Variants in GRIN2B observed in about 807,000 individuals in gnomAD.
GRIN2B encodes the protein glutamate receptor ionotropic, NMDA 2B.
Under a neutral mutation model 114.5 loss-of-function variants are expected in GRIN2B, and 5 were observed. The ratio of observed to expected loss-of-function variants is 0.04; its 90% CI spans 0.02 to 0.09. The LOEUF (loss-of-function observed/expected upper bound fraction) is 0.09, where lower values mean the gene tolerates loss of function less well. Among genes scored for constraint, GRIN2B ranks in the 10% least tolerant of loss-of-function variants. The pLI is 1.00. For missense variants in GRIN2B, 1,108 were observed against 1,943.5 expected (o/e 0.57, Z 8.08); for synonymous variants, 787 against 745.1 (o/e 1.06, Z -0.92).
chr12:13,740,104 T>C (rs759936649), intron 4 of GRIN2B, among the ~76,000 whole-genome samples: 2 of 152,190 alleles, frequency 1.3e-5, no homozygotes, highest in Non-Finnish European at 2.9e-5. Context: ...CTCCACTCTC[T>C]TAGTCTCTAT....
chr12:13,564,300 C>A lies in GRIN2B; in HGVS notation c.2938G>T (p.Val980Leu). ...FGNLQLKDSN[V>L]YQDHYHHHHR... ...TGATGGTGGTAGTGATCTTGGTACA[C>A]GTTGCTGTCCTTCAGCTGCAGGTTC... Residue 980 changes from valine to leucine, a missense_variant, in exon 14 of 14, where the codon GTG (valine) becomes TTG (leucine). Physicochemically the swap from Val to Leu is conservative, Grantham distance 32. This residue lies in a region of GRIN2B where 140 missense variants were observed against 187.5 expected (regional missense o/e 0.75). Coordinates refer to ENST00000609686, the MANE Select transcript of GRIN2B (RefSeq NM_000834.5). This position sits in a 1 kb window ranked among gnomAD's most constrained non-coding sequence, Gnocchi z 4.8. 1 of 1,614,182 alleles carries A rather than the reference C, an allele frequency of 6.2e-7. No homozygotes were observed. The highest frequency in any genetic ancestry group is 8.5e-7 in the Non-Finnish European group (1 of 1,180,038).
chr12:13,612,423 T>G (rs1395408879), intron 8 of GRIN2B, among the ~76,000 whole-genome samples: 1 of 152,242 alleles, frequency 6.6e-6, no homozygotes, highest in African/African-American at 2.4e-5. Flanking sequence ...CCTACTTTGA[T>G]GTATTGTATG....
chr12:13,577,734 C>T (rs1386044782), intron 10 of GRIN2B, among the ~76,000 whole-genome samples: 2 of 152,070 alleles, frequency 1.3e-5, no homozygotes, highest in Non-Finnish European at 2.9e-5. Context: ...AAAATACATC[C>T]ATTCATTTGG....
At chr12:13,780,342 T>A (rs1864084648) in intron 3 of GRIN2B, among the ~76,000 whole-genome samples, 1 of 152,212 alleles carries the variant, frequency 6.6e-6, no homozygotes, top group African/African-American at 2.4e-5. Flanking sequence ...GTGCCTGAAT[T>A]CTAGCCAGTA....
chr12:13,868,607 C>T (rs1443770501), intron 2 of GRIN2B, among the ~76,000 whole-genome samples: 2 of 152,182 alleles, frequency 1.3e-5, no homozygotes, highest in East Asian at 1.9e-4. Context: ...GTTTCCTTCA[C>T]GTTTAAAAGT....
chr12:13,943,926 T>G (rs536525840), intron 2 of GRIN2B, among the ~76,000 whole-genome samples: 1 of 152,194 alleles, frequency 6.6e-6, no homozygotes, highest in Non-Finnish European at 1.5e-5. Context: ...TGCTCACTGA[T>G]GTATCCCAGG....
chr12:13,650,539 C>T (rs913150721), intron 5 of GRIN2B, among the ~76,000 whole-genome samples: 2 of 152,058 alleles, frequency 1.3e-5, no homozygotes, highest in African/African-American at 4.8e-5. Context: ...TTCAGGACGA[C>T]CAGCCACCCT....
intron 4 of GRIN2B, among the ~76,000 whole-genome samples, chr12:13,676,235 A>C (rs752810174): frequency 1.3e-5 from 2 of 152,142 alleles, no homozygotes; most frequent in Non-Finnish European, 2.9e-5. Context: ...CAGCAAATGC[A>C]TGCTGGGCTT....
At chr12:13,864,191 A>C (rs1462238688) in intron 3 of GRIN2B, among the ~76,000 whole-genome samples, 1 of 152,202 alleles carries the variant, frequency 6.6e-6, no homozygotes, top group Non-Finnish European at 1.5e-5. Flanking sequence ...GAATGTCTTC[A>C]CTTAACACTT....
At chr12:13,691,363 C>A (rs1186502290) in intron 4 of GRIN2B, among the ~76,000 whole-genome samples, 2 of 145,522 alleles carry the variant, frequency 1.4e-5, no homozygotes, top group African/African-American at 5.7e-5. Flanking sequence ...AACACCAGGA[C>A]ATGATGAAGT....
chr12:13,973,301 T>A (rs962834780), intron 2 of GRIN2B, among the ~76,000 whole-genome samples: 2 of 152,174 alleles, frequency 1.3e-5, no homozygotes, highest in Non-Finnish European at 2.9e-5. Context: ...CATTTCTTTC[T>A]AAAGAAAGAA....
At chr12:13,696,875 C>T (rs1950264352) in intron 4 of GRIN2B, among the ~76,000 whole-genome samples, 1 of 152,126 alleles carries the variant, frequency 6.6e-6, no homozygotes, top group African/African-American at 2.4e-5. Flanking sequence ...AAAATTCTCC[C>T]CCACCAAGCC....
At chr12:13,866,364 C>G (rs1227507963) in intron 2 of GRIN2B, 138 bp from the exon 3 acceptor site, 2 of 736,562 alleles carry the variant, frequency 2.7e-6, no homozygotes, top group African/African-American at 3.5e-5. Context: ...CCAGCCTACT[C>G]TCTTATCTCT....
rs987373150 is a variant in GRIN2B, at chr12:13,565,522, G to A, written c.2599-883C>T. Among the ~76,000 whole-genome samples, 36 of 152,272 alleles carry A rather than the reference G, an allele frequency of 2.4e-4. No individual in the cohort carries two copies. The Middle Eastern group carries it at 0.017, about 72-fold the overall frequency. On this transcript the variant is annotated intron_variant, in intron 13 of 13. Coordinates refer to ENST00000609686, the MANE Select transcript of GRIN2B (RefSeq NM_000834.5). ...TTTGTACAGGGCTTTGAAGGACACC[G>A]TGCAGGAGAGGCAACGGGCTGGGTT... is the stretch of plus-strand genomic sequence containing the variant.
intron 8 of GRIN2B, among the ~76,000 whole-genome samples, chr12:13,612,124 G>A (rs1192278528): frequency 6.6e-6 from 1 of 152,176 alleles, no homozygotes; most frequent in African/African-American, 2.4e-5. Context: ...CAATATCTGG[G>A]TATTTCAGTA....
At chr12:13,622,764 C>G (rs1054162511) in intron 5 of GRIN2B, among the ~76,000 whole-genome samples, 4 of 152,114 alleles carry the variant, frequency 2.6e-5, no homozygotes, top group Non-Finnish European at 5.9e-5. Context: ...GAGAGCCAAG[C>G]TCACTTTTAT....
chr12:13,826,364 T>C (rs1218454586), intron 3 of GRIN2B, among the ~76,000 whole-genome samples: 1 of 152,028 alleles, frequency 6.6e-6, no homozygotes, highest in Non-Finnish European at 1.5e-5. Context: ...TCAGCTACTC[T>C]GGAGGCTGAG....
At chr12:13,848,352 C>T (rs547821278) in intron 3 of GRIN2B, among the ~76,000 whole-genome samples, 7 of 151,998 alleles carry the variant, frequency 4.6e-5, no homozygotes, top group Non-Finnish European at 8.8e-5. Context: ...TCTGGGGCCA[C>T]GTGGAGGACA....
At chr12:13,598,350 C>T (rs1949103752) in intron 10 of GRIN2B, among the ~76,000 whole-genome samples, 1 of 152,200 alleles carries the variant, frequency 6.6e-6, no homozygotes, top group Non-Finnish European at 1.5e-5. Context: ...CGACCTCAGG[C>T]CCAGACTGAC....
Sources: gnomAD v4.1 joint callset for allele counts (sites outside exome capture counted in the v4.1 genomes callset) on GRCh38, gnomAD v4.1.1 for gene constraint, gnomAD v4.1.1 regional missense constraint, Gnocchi (gnomAD v3.1) non-coding constraint, MANE v1.5 for transcripts, NCBI Gene and HGNC (gene_info 2026-07-23, HGNC 2026-07-21) for gene names.